Variants in CNGB3 observed in about 807,000 individuals in gnomAD.
CNGB3 encodes cyclic nucleotide-gated channel beta-3.
A neutral mutation model predicts 92.8 loss-of-function variants in CNGB3; 86 were observed. The ratio of observed to expected loss-of-function variants is 0.93; its 90% CI spans 0.78 to 1.11. The LOEUF is 1.11. Ranked by LOEUF, CNGB3 falls within the 50% of genes least tolerant of loss-of-function variation. The probability of loss-of-function intolerance (pLI) is 0.00; values close to 1 mark genes in which losing one functional copy is unlikely to be tolerated. For missense variants in CNGB3, 1,026 were observed against 956.8 expected (o/e 1.07, Z -0.95); for synonymous variants, 333 against 332.7 (o/e 1.00, Z -0.01).
At chr8:86,610,665 G>A (rs1263284246) in intron 14 of CNGB3, among the ~76,000 whole-genome samples, 1 of 152,076 alleles carries the variant, frequency 6.6e-6, no homozygotes, top group African/African-American at 2.4e-5. Flanking sequence ...CCAAGGTGTT[G>A]GATCATCTTG....
chr8:86,579,165 G>A lies in CNGB3; in HGVS notation c.1869C>T (p.Thr623=), dbSNP rs1385364772. 2 of 1,614,068 alleles carry A rather than the reference G, an allele frequency of 1.2e-6. No homozygotes were observed. The highest frequency in any genetic ancestry group is 2.2e-5 in the South Asian group (2 of 91,076). ...FANLLTLDKK[T]LQEILVHYPD... ...GATAATGCACTAGAATTTCTTGGAG[G>A]GTCTTTTTGTCTAGAGTTAAAAGAT... Residue 623 remains threonine (T), a synonymous_variant, in exon 16 of 18, where the codon ACC becomes ACT. Coordinates refer to ENST00000320005, the MANE Select transcript of CNGB3 (RefSeq NM_019098.5).
At chr8:86,585,004 T>C (rs564430494) in intron 15 of CNGB3, among the ~76,000 whole-genome samples, 14 of 152,202 alleles carry the variant, frequency 9.2e-5, no homozygotes, top group Non-Finnish European at 1.5e-4. Context: ...AACAGATTAC[T>C]AATGTCTCCT....
chr8:86,594,419 A>T (rs1253622355), intron 15 of CNGB3: 4 of 288,662 alleles, frequency 1.4e-5, no homozygotes, highest in African/African-American at 2.3e-5. Flanking sequence ...CTTGCTCCTG[A>T]CGAAATCCAC....
intron 3 of CNGB3, among the ~76,000 whole-genome samples, chr8:86,673,313 T>C (rs927151736): frequency 6.6e-6 from 1 of 152,202 alleles, no homozygotes; most frequent in Admixed American, 6.5e-5. Flanking sequence ...CTTTGACAGA[T>C]AAATGATAGA....
intron 6 of CNGB3, among the ~76,000 whole-genome samples, chr8:86,665,137 A>T (rs542974978): frequency 6.6e-6 from 1 of 152,328 alleles, no homozygotes; most frequent in African/African-American, 2.4e-5. Context: ...GGTCATGACC[A>T]TATAATAGCC....
chr8:86,682,061 G>C (rs983321282), intron 3 of CNGB3, among the ~76,000 whole-genome samples: 1 of 152,126 alleles, frequency 6.6e-6, no homozygotes, highest in African/African-American at 2.4e-5. Context: ...AATTTTTCTT[G>C]GTGTAGCATG....
intron 3 of CNGB3, among the ~76,000 whole-genome samples, chr8:86,714,336 C>G (rs949729714): frequency 1.3e-5 from 2 of 152,096 alleles, no homozygotes; most frequent in African/African-American, 4.8e-5. Flanking sequence ...ACTCTGTCAC[C>G]CAGGCTGGAG....
rs186865201 is a variant in CNGB3 at position 86,671,858 on chromosome 8, G to A, written c.339-760C>T. Among the ~76,000 whole-genome samples, 585 of 152,260 alleles carry A rather than the reference G, an allele frequency of 3.8e-3. 1 individual carries two copies. The highest frequency in any genetic ancestry group is 6.8e-3 in the Non-Finnish European group (461 of 68,012). On this transcript the variant is annotated intron_variant, in intron 3 of 17. Transcript: ENST00000320005. Reference sequence around the variant, plus strand: ...TCCCAGTGAGAGCCTAGTCTGGCCTGGCCAACACCTTGATTTCAGCCTTGT... The same window carrying A: ...TCCCAGTGAGAGCCTAGTCTGGCCTAGCCAACACCTTGATTTCAGCCTTGT...
intron 15 of CNGB3, among the ~76,000 whole-genome samples, chr8:86,600,385 C>A (rs1201323550): frequency 6.6e-6 from 1 of 152,090 alleles, no homozygotes; most frequent in African/African-American, 2.4e-5. Context: ...GAATACATGG[C>A]CTTCTTTGAG....
chr8:86,588,271 A>G (rs1276766871), intron 15 of CNGB3, among the ~76,000 whole-genome samples: 3 of 142,914 alleles, frequency 2.1e-5, no homozygotes, highest in African/African-American at 8.4e-5. Context: ...ATATACAATC[A>G]TGTCATCTGC....
intron 6 of CNGB3, among the ~76,000 whole-genome samples, chr8:86,663,530 G>A (rs1343611412): frequency 6.6e-6 from 1 of 152,152 alleles, no homozygotes; most frequent in Non-Finnish European, 1.5e-5. Context: ...TCAAGGCCTT[G>A]GGGAATTCAT....
At chr8:86,601,225 T>C (rs966579408) in intron 15 of CNGB3, among the ~76,000 whole-genome samples, 75 of 152,038 alleles carry the variant, frequency 4.9e-4, no homozygotes, top group African/African-American at 1.6e-3. Context: ...TTAAGAAAAA[T>C]GACATTTTAA....
At chr8:86,580,745 T>C (rs191582077) in intron 15 of CNGB3, among the ~76,000 whole-genome samples, 2 of 152,284 alleles carry the variant, frequency 1.3e-5, no homozygotes, top group Admixed American at 1.3e-4. Flanking sequence ...GATTGGTTTG[T>C]AAAAACAGAA....
At chr8:86,735,016 G>T (rs1825220555) in intron 2 of CNGB3, among the ~76,000 whole-genome samples, 1 of 141,388 alleles carries the variant, frequency 7.1e-6, no homozygotes, top group Non-Finnish European at 1.5e-5. Context: ...TTGAATTCGG[G>T]CATGTCAAAT....
rs1167340718 is a variant in CNGB3, at chr8:86,635,851, TATATATATATATAC to T, written c.1179-2972_1179-2959del. ...ATATATATATATATATATATATATATATATATATATATACACATACACATATACTTAGGCATACT... is the reference window on the plus strand; with the variant it reads ...ATATATATATATATATATATATATATACATACACATATACTTAGGCATACT... On this transcript the variant is annotated intron_variant, in intron 10 of 17. Coordinates refer to ENST00000320005, the MANE Select transcript of CNGB3 (RefSeq NM_019098.5). Among the ~76,000 whole-genome samples the T allele has an allele frequency of 6.0e-3, 455 of 76,454 alleles. 6 individuals carry two copies. The highest frequency in any genetic ancestry group is 7.4e-3 in the Non-Finnish European group (313 of 42,058). 50.2% of individuals were successfully genotyped at this position (76,454 alleles called of 152,430 possible). A position where few individuals can be genotyped will look rare whatever the true frequency, so the allele number is the denominator to read the frequency against.
chr8:86,655,489 A>G (rs1203948467), intron 6 of CNGB3, among the ~76,000 whole-genome samples: 7 of 152,140 alleles, frequency 4.6e-5, no homozygotes, highest in African/African-American at 1.7e-4. Context: ...AGCTCAGAAC[A>G]TGTTTTTCTT....
intron 2 of CNGB3, among the ~76,000 whole-genome samples, chr8:86,737,003 CT>C (rs869037376): frequency 2.0e-5 from 3 of 151,938 alleles, no homozygotes; most frequent in Non-Finnish European, 2.9e-5. Context: ...AGAACACTTG[CT>C]TTTTTTTCCC....
At position 86,668,693 on chromosome 8, in the gene CNGB3, CAA is replaced by C. The variant is rs11286058; in HGVS notation, c.494-527_494-526del. Among the ~76,000 whole-genome samples, 480 of 137,108 alleles carry C rather than the reference CAA, an allele frequency of 3.5e-3. 3 individuals carry two copies. The highest frequency in any genetic ancestry group is 7.9e-3 in the African/African-American group (300 of 37,908). The allele number at this position is 137,108 out of a possible 152,430, so 89.9% of individuals were successfully genotyped here. A position where few individuals can be genotyped will look rare whatever the true frequency, so the allele number is the denominator to read the frequency against. ...ATAAATAAATGTTAATAAATTTTTA[CAA>C]AAAAAAAAAAAGAACAGGAAAAACT... On this transcript the variant is annotated intron_variant, in intron 4 of 17. Coordinates refer to ENST00000320005, the MANE Select transcript of CNGB3 (RefSeq NM_019098.5).
intron 2 of CNGB3, among the ~76,000 whole-genome samples, chr8:86,736,749 A>AT (rs1305991306): frequency 1.3e-5 from 2 of 151,836 alleles, no homozygotes; most frequent in Non-Finnish European, 2.9e-5. Context: ...TCAATTACTG[A>AT]TAAAAAAAAA....
Sources: allele counts gnomAD v4.1 joint callset (sites outside exome capture counted in the v4.1 genomes callset), GRCh38; gene constraint gnomAD v4.1.1; transcripts MANE v1.5; gene names NCBI Gene and HGNC (gene_info 2026-07-23, HGNC 2026-07-21).